The following ATXN7L1 variants were observed in gnomAD, a reference collection of about 807,000 sequenced individuals.
ATXN7L1 encodes ataxin 7 like 1, also known as ataxin-7-like protein 1.
Under a neutral mutation model 70.8 loss-of-function variants are expected in ATXN7L1, and 15 were observed. That is an observed-to-expected ratio of 0.21 (90% CI 0.14 to 0.33). The LOEUF is 0.33. Ranked by LOEUF, ATXN7L1 falls within the 10% of genes least tolerant of loss-of-function variation. The probability of loss-of-function intolerance (pLI) is 1.00; values close to 1 mark genes in which losing one functional copy is unlikely to be tolerated. For missense variants in ATXN7L1, 975 were observed against 1,097.1 expected, an observed-to-expected ratio of 0.89 and a Z score of 1.57; for synonymous variants, 440 against 445.1, an observed-to-expected ratio of 0.99 and a Z score of 0.14.
intron 3 of ATXN7L1, among the ~76,000 whole-genome samples, chr7:105,766,766 G>C (rs1422262758): frequency 6.6e-6 from 1 of 152,204 alleles, no homozygotes; most frequent in Non-Finnish European, 1.5e-5. Context: ...TGCTGGAAGA[G>C]AATCAAAAGA....
At chr7:105,709,896 A>G (rs2116265226) in intron 3 of ATXN7L1, among the ~76,000 whole-genome samples, 1 of 150,554 alleles carries the variant, frequency 6.6e-6, no homozygotes, top group African/African-American at 2.5e-5. Context: ...TTTTTGATAC[A>G]GAGTCTCATT....
At chr7:105,709,773 C>T (rs896429960) in intron 3 of ATXN7L1, among the ~76,000 whole-genome samples, 2 of 152,094 alleles carry the variant, frequency 1.3e-5, no homozygotes, top group Admixed American at 1.3e-4. Flanking sequence ...GTGTGGTGTG[C>T]CCCCTTCTCT....
At chr7:105,762,561 C>T (rs542969663) in intron 3 of ATXN7L1, among the ~76,000 whole-genome samples, 2 of 152,170 alleles carry the variant, frequency 1.3e-5, no homozygotes, top group Non-Finnish European at 2.9e-5. Flanking sequence ...CCTTCCCCTA[C>T]CCAATCACCT....
intron 7 of ATXN7L1, among the ~76,000 whole-genome samples, chr7:105,633,963 ATCATTTCCTTT>A (rs1326970974): frequency 6.6e-6 from 1 of 152,130 alleles, no homozygotes; most frequent in Non-Finnish European, 1.5e-5. Context: ...GGAGTTCCGC[ATCATTTCCTTT>A]TTGGGCTCAT....
intron 2 of ATXN7L1, among the ~76,000 whole-genome samples, chr7:105,813,937 A>G (rs1461041422): frequency 6.6e-6 from 1 of 152,112 alleles, no homozygotes; most frequent in Non-Finnish European, 1.5e-5. Flanking sequence ...TCCCACCAGT[A>G]TGAGTCCCAC....
At chr7:105,785,103 C>G (rs1240077033) in intron 3 of ATXN7L1, among the ~76,000 whole-genome samples, 1 of 152,264 alleles carries the variant, frequency 6.6e-6, no homozygotes, top group Non-Finnish European at 1.5e-5. Context: ...TAAGCCTTAG[C>G]TTCCTCAATT....
intron 7 of ATXN7L1, 34 bp from the exon 8 acceptor site, chr7:105,624,301 C>A (rs990175284): frequency 2.3e-6 from 3 of 1,322,810 alleles, no homozygotes; most frequent in African/African-American, 3.0e-5. Flanking sequence ...ACAAAATAAA[C>A]CAAATGAACC....
At chr7:105,621,032 T>A (rs1794857132) in intron 8 of ATXN7L1, among the ~76,000 whole-genome samples, 2 of 152,320 alleles carry the variant, frequency 1.3e-5, no homozygotes, top group Admixed American at 6.5e-5. Flanking sequence ...AAACTGCTTG[T>A]GCTGGTGTCC....
chr7:105,816,939 G>C (rs1482313492), intron 2 of ATXN7L1, among the ~76,000 whole-genome samples: 2 of 152,224 alleles, frequency 1.3e-5, no homozygotes, highest in East Asian at 1.9e-4. Flanking sequence ...GTGAAAGTCA[G>C]TCAAGGAAAG....
chr7:105,773,866 G>A (rs1344539760), intron 3 of ATXN7L1, among the ~76,000 whole-genome samples: 1 of 152,006 alleles, frequency 6.6e-6, no homozygotes, highest in Non-Finnish European at 1.5e-5. Flanking sequence ...AGTGAGGGTC[G>A]GGGAGAAGTG....
chr7:105,690,690 C>T (rs1215857578), intron 3 of ATXN7L1, among the ~76,000 whole-genome samples: 1 of 152,172 alleles, frequency 6.6e-6, no homozygotes, highest in Non-Finnish European at 1.5e-5. Flanking sequence ...CTGATGAACG[C>T]GCTACTTACT....
intron 2 of ATXN7L1, among the ~76,000 whole-genome samples, chr7:105,868,616 T>C (rs1404649454): frequency 2.0e-5 from 3 of 152,092 alleles, no homozygotes; most frequent in Non-Finnish European, 4.4e-5. Context: ...GACAAAATTA[T>C]ATATGTATCT....
intron 2 of ATXN7L1, among the ~76,000 whole-genome samples, chr7:105,816,624 C>T (rs1315018318): frequency 2.0e-5 from 3 of 152,320 alleles, no homozygotes; most frequent in South Asian, 4.1e-4. Context: ...TTCCCAACAT[C>T]GCTGCCACCT....
chr7:105,688,241 TA>T (rs1790227233), intron 3 of ATXN7L1, among the ~76,000 whole-genome samples: 1 of 151,918 alleles, frequency 6.6e-6, no homozygotes, highest in African/African-American at 2.4e-5. Flanking sequence ...CTTCGCCTAA[TA>T]AAAAAAATCC....
At chr7:105,849,550 G>C (rs1814572923) in intron 2 of ATXN7L1, among the ~76,000 whole-genome samples, 1 of 152,252 alleles carries the variant, frequency 6.6e-6, no homozygotes, top group African/African-American at 2.4e-5. Context: ...ACAGGGTGGT[G>C]CCGTCCTGTG....
intron 2 of ATXN7L1, among the ~76,000 whole-genome samples, chr7:105,825,616 G>T (rs1810758528): frequency 1.3e-5 from 2 of 151,712 alleles, no homozygotes; most frequent in African/African-American, 2.4e-5. Flanking sequence ...GACTCAATAA[G>T]CATGTTTTTA....
chr7:105,759,486 G>GTT (rs1489133181), intron 3 of ATXN7L1, among the ~76,000 whole-genome samples: 5 of 149,366 alleles, frequency 3.3e-5, no homozygotes, highest in African/African-American at 1.2e-4. Context: ...GTGTGTGTGT[G>GTT]TGTGTATGTC....
chr7:105,610,698 A>G, intron 10 of ATXN7L1, 95 bp from the exon 11 acceptor site: 4 of 1,021,144 alleles, frequency 3.9e-6, no homozygotes, highest in Non-Finnish European at 5.9e-6. Flanking sequence ...AGGGCTGCAC[A>G]ATGCCTCCTT....
chr7:105,629,945 G>T lies in ATXN7L1; in HGVS notation c.1203-5678C>A, dbSNP rs143939852. The stretch of plus-strand genomic sequence containing the variant: ...TGATTCTCCTGCCTCAGCCTCCCAA[G>T]TAGCTGGGATTACAGGCATGCACCA... On this transcript the variant is annotated intron_variant, in intron 7 of 11. Coordinates refer to ENST00000419735, the MANE Select transcript of ATXN7L1 (RefSeq NM_020725.2). Among the ~76,000 whole-genome samples, 47 of 152,198 alleles carry T rather than the reference G, an allele frequency of 3.1e-4. No individual in the cohort carries two copies. The East Asian group carries it at 8.5e-3, about 28-fold the overall frequency.
Sources: allele counts gnomAD v4.1 joint callset (sites outside exome capture counted in the v4.1 genomes callset), GRCh38; gene constraint gnomAD v4.1.1; transcripts MANE v1.5; gene names NCBI Gene and HGNC (gene_info 2026-07-23, HGNC 2026-07-21).